Variants in CCDC141 observed in about 807,000 individuals in gnomAD.
CCDC141 encodes the protein coiled-coil domain-containing protein 141.
CCDC141 carries 168 observed loss-of-function variants against 181.0 expected under a neutral mutation model. The observed-to-expected ratio is 0.93, with a 90% confidence interval of 0.82 to 1.05. CCDC141 has a LOEUF of 1.05. Ranked by LOEUF, CCDC141 falls within the 50% of genes least tolerant of loss-of-function variation. CCDC141 has a pLI of 0.00. For synonymous variants in CCDC141, 666 were observed against 642.3 expected (o/e 1.04, Z -0.56); for missense variants, 1,902 against 1,788.5 (o/e 1.06, Z -1.14).
chr2:178,881,737 CAA>C (rs915829515), intron 11 of CCDC141, among the ~76,000 whole-genome samples: 3 of 151,832 alleles, frequency 2.0e-5, no homozygotes, highest in African/African-American at 7.2e-5. Context: ...AAAAAAAATA[CAA>C]AAAAATTAGC....
intron 4 of CCDC141, among the ~76,000 whole-genome samples, chr2:178,967,998 A>G (rs1690713641): frequency 2.6e-5 from 4 of 152,246 alleles, no homozygotes; most frequent in Non-Finnish European, 2.9e-5. Flanking sequence ...GAAGGGCATT[A>G]CATAATGGTA....
chr2:178,821,798 T>C, the CCDC141 span, among the ~76,000 whole-genome samples: 2 of 152,204 alleles, frequency 1.3e-5, no homozygotes, highest in African/African-American at 4.8e-5. Context: ...GGAACACTTT[T>C]ACACTGTTGG....
chr2:179,014,345 C>T (rs2042362857), intron 2 of CCDC141, among the ~76,000 whole-genome samples: 1 of 152,128 alleles, frequency 6.6e-6, no homozygotes, highest in Non-Finnish European at 1.5e-5. Flanking sequence ...AAAAACCCTT[C>T]TAGACATTTG....
At chr2:178,893,556 GA>G (rs1369877528) in intron 8 of CCDC141, among the ~76,000 whole-genome samples, 1 of 151,886 alleles carries the variant, frequency 6.6e-6, no homozygotes, top group African/African-American at 2.4e-5. Context: ...TTTAAAGATG[GA>G]AAAAAATCTT....
At chr2:178,974,573 T>C (rs559878030) in intron 4 of CCDC141, among the ~76,000 whole-genome samples, 55 of 152,332 alleles carry the variant, frequency 3.6e-4, no homozygotes, top group African/African-American at 1.2e-3. Flanking sequence ...TAGATTTTCA[T>C]CTGGAAAAAT....
intron 2 of CCDC141, among the ~76,000 whole-genome samples, chr2:179,018,249 C>T (rs2042597917): frequency 1.3e-5 from 2 of 152,062 alleles, no homozygotes; most frequent in South Asian, 2.1e-4. Flanking sequence ...CCCTGAATAG[C>T]AATTTTCTAA....
chr2:178,893,573 T>C (rs2154371481), intron 8 of CCDC141, among the ~76,000 whole-genome samples: 1 of 152,242 alleles, frequency 6.6e-6, no homozygotes, highest in Admixed American at 6.5e-5. Flanking sequence ...ATCTTCCTTA[T>C]CTTTAGCTTG....
chr2:178,960,408 GTAA>G (rs1325651098), intron 5 of CCDC141, among the ~76,000 whole-genome samples: 2 of 152,104 alleles, frequency 1.3e-5, no homozygotes, highest in Non-Finnish European at 2.9e-5. Context: ...TTTGGATGGA[GTAA>G]TAATATTAAA....
chr2:178,815,983 AAAGT>A, the CCDC141 span, among the ~76,000 whole-genome samples: 1 of 152,214 alleles, frequency 6.6e-6, no homozygotes, highest in South Asian at 2.1e-4. Context: ...GAAAAAGATA[AAAGT>A]AAGTCCTGGC....
chr2:178,853,706 T>G lies in CCDC141; in HGVS notation c.3061-82A>C. 2.5e-6 allele frequency: 3 copies of G among 1,176,690 alleles called. 1 individual carries two copies. The highest frequency in any genetic ancestry group is 3.1e-5 in the South Asian group (2 of 64,814). The allele number at this position is 1,176,690 out of a possible 1,614,324, so 72.9% of individuals were successfully genotyped here. On this transcript the variant is annotated intron_variant, in intron 19 of 23. Transcript: ENST00000443758. Reference sequence around the variant, plus strand: ...TAATTTTGACCAGTGAAGTATCAAATTTTAATTCCCTCAACTTAATGTTCA... The same window carrying G: ...TAATTTTGACCAGTGAAGTATCAAAGTTTAATTCCCTCAACTTAATGTTCA...
rs1276794216 is a variant in CCDC141 at position 178,944,536 on chromosome 2, T to G, written c.896A>C (p.Lys299Thr). ...HKQEELIIKA[K>T]EWNSAVEKLK... Reference sequence around the variant, plus strand: ...TAGTGTGTCTAATATATCTCTTACCTTTGCTTTTATTATCAGTTCCTCTTG... The same window carrying G: ...TAGTGTGTCTAATATATCTCTTACCGTTGCTTTTATTATCAGTTCCTCTTG... Residue 299 changes from lysine to threonine, a missense_variant and splice_region_variant, in exon 6 of 24, where the codon AAG becomes ACG. Lys to Thr is a moderately conservative substitution (Grantham distance 78, BLOSUM62 -1). Transcript: ENST00000443758. The G allele has an allele frequency of 2.8e-6, 4 of 1,443,264 alleles. No individual in the cohort carries two copies. Among genetic ancestry groups the G allele is most frequent in the Non-Finnish European group, 3.8e-6 (4 of 1,066,256 alleles). The allele number at this position is 1,443,264 out of a possible 1,614,324, so 89.4% of individuals were successfully genotyped here. A position where few individuals can be genotyped will look rare whatever the true frequency, so the allele number is the denominator to read the frequency against.
At chr2:179,027,646 C>CAAAAAAAAAAAAAAAAAAAAAAAAAAAAA (rs71023466) in intron 2 of CCDC141, among the ~76,000 whole-genome samples, 1 of 53,274 alleles carries the variant, frequency 1.9e-5, no homozygotes, top group Non-Finnish European at 3.5e-5. Context: ...CTCTTACTCT[C>CAAAAAAAAAAAAAAAAAAAAAAAAAAAAA]AAAAAAAAAA....
intron 5 of CCDC141, among the ~76,000 whole-genome samples, chr2:178,953,310 G>A (rs901087219): frequency 6.6e-5 from 10 of 152,146 alleles, no homozygotes; most frequent in South Asian, 4.2e-4. Context: ...GGTGGCAGGC[G>A]CCTGTAGTCC....
chr2:178,896,064 G>C (rs936199092), intron 8 of CCDC141, among the ~76,000 whole-genome samples: 1 of 152,172 alleles, frequency 6.6e-6, no homozygotes, highest in Non-Finnish European at 1.5e-5. Context: ...AATAACTAAA[G>C]AATGATTCAG....
At chr2:178,881,737 CA>C (rs915829515) in intron 11 of CCDC141, among the ~76,000 whole-genome samples, 25 of 151,712 alleles carry the variant, frequency 1.6e-4, no homozygotes, top group Admixed American at 5.3e-4. Flanking sequence ...AAAAAAAATA[CA>C]AAAAAATTAG....
At chr2:178,897,953 G>T (rs1687490701) in intron 8 of CCDC141, among the ~76,000 whole-genome samples, 1 of 152,106 alleles carries the variant, frequency 6.6e-6, no homozygotes, top group Admixed American at 6.5e-5. Flanking sequence ...TTTAGACTTG[G>T]TTCTCAAGGA....
intron 2 of CCDC141, among the ~76,000 whole-genome samples, chr2:178,994,555 G>C (rs1042659892): frequency 1.3e-5 from 2 of 152,208 alleles, no homozygotes; most frequent in Admixed American, 6.5e-5. Flanking sequence ...CTGCTGTGAA[G>C]ACCTCTGACA....
intron 2 of CCDC141, among the ~76,000 whole-genome samples, chr2:179,003,754 C>A (rs2042048694): frequency 6.6e-6 from 1 of 152,088 alleles, no homozygotes; most frequent in African/African-American, 2.4e-5. Flanking sequence ...CTTGCAATGA[C>A]AATTTCAGAA....
intron 2 of CCDC141, among the ~76,000 whole-genome samples, chr2:179,037,611 T>C (rs1337515330): frequency 6.6e-6 from 1 of 152,192 alleles, no homozygotes; most frequent in Non-Finnish European, 1.5e-5. Context: ...GATAAGGCAT[T>C]AATATCTAAA....
Sources: allele counts gnomAD v4.1 joint callset (sites outside exome capture counted in the v4.1 genomes callset), GRCh38; gene constraint gnomAD v4.1.1; transcripts MANE v1.5; gene names NCBI Gene and HGNC (gene_info 2026-07-23, HGNC 2026-07-21).